Variants in MAP2K1 observed in about 807,000 individuals in gnomAD.
MAP2K1 encodes mitogen-activated protein kinase kinase 1.
In MAP2K1, 16 loss-of-function variants were observed where a neutral mutation model predicts 46.3. The observed-to-expected ratio is 0.35, with a 90% CI of 0.23 to 0.52. The LOEUF (loss-of-function observed/expected upper bound fraction) is 0.52. Ranked by LOEUF, MAP2K1 falls within the 20% of genes least tolerant of loss-of-function variation. The pLI is 0.94. For synonymous variants in MAP2K1, 183 were observed against 185.6 expected (o/e 0.99, Z 0.11); for missense variants, 263 against 497.1 (o/e 0.53, Z 4.48).
intron 5 of MAP2K1, among the ~76,000 whole-genome samples, chr15:66,468,220 C>T (rs929363446): frequency 6.6e-6 from 1 of 152,116 alleles, no homozygotes; most frequent in Admixed American, 6.5e-5. Context: ...AATACGTGGA[C>T]ATATTAGACA....
intron 1 of MAP2K1, among the ~76,000 whole-genome samples, chr15:66,422,560 T>C (rs1349739266): frequency 6.6e-6 from 1 of 152,048 alleles, no homozygotes; most frequent in Admixed American, 6.6e-5. Context: ...TAGGTGAAAA[T>C]GAATTATATT....
chr15:66,444,923 A>G, intron 5 of MAP2K1: 1 of 556,396 alleles, frequency 1.8e-6, no homozygotes, highest in Non-Finnish European at 3.2e-6. Context: ...TGTGATGGAC[A>G]ATAGTCATAG....
At position 66,437,876 on chromosome 15, in the gene MAP2K1, A is replaced by G. The variant is rs548007507; in HGVS notation, c.438+984A>G. On this transcript the variant is annotated intron_variant, in intron 3 of 10. Transcript: ENST00000307102. ...AAAGTGCTTGTTCCTTCTTTCCTCA[A>G]TGAGAGCAGAGCATTCTCTGTGGGA... 1.4e-3 allele frequency among the ~76,000 whole-genome samples: 212 copies of G among 152,224 alleles called. 1 individual carries two copies. Among genetic ancestry groups the G allele is most frequent in the Middle Eastern group, 3.4e-3 (1 of 294 alleles).
chr15:66,443,460 G>A, intron 4 of MAP2K1, 103 bp downstream of exon 4: 2 of 765,498 alleles, frequency 2.6e-6, no homozygotes, highest in Non-Finnish European at 4.7e-6. Context: ...TGAGGGGAAA[G>A]TTTATAAGAA....
intron 1 of MAP2K1, among the ~76,000 whole-genome samples, chr15:66,400,790 A>C (rs10851758): frequency 6.6e-6 from 1 of 152,120 alleles, no homozygotes; most frequent in South Asian, 2.1e-4. Flanking sequence ...ATTTCGCTGC[A>C]TAACTCCCAG....
chr15:66,476,024 G>A (rs569337669), intron 5 of MAP2K1, among the ~76,000 whole-genome samples: 2 of 152,202 alleles, frequency 1.3e-5, no homozygotes, highest in East Asian at 1.9e-4. Flanking sequence ...GTTATTCCTG[G>A]GACAGAAAAT....
chr15:66,449,754 G>T (rs762647581), intron 5 of MAP2K1, among the ~76,000 whole-genome samples: 1 of 152,062 alleles, frequency 6.6e-6, no homozygotes, highest in Non-Finnish European at 1.5e-5. Context: ...GGTGGTGGGC[G>T]CCTATAATCC....
At chr15:66,435,349 G>C in intron 2 of MAP2K1, 112 bp downstream of exon 2, 1 of 624,850 alleles carries the variant, frequency 1.6e-6, no homozygotes, top group Non-Finnish European at 2.5e-6. Flanking sequence ...TGTGCTGTTT[G>C]AATTTTTTTT....
At chr15:66,403,264 A>G (rs1173989786) in intron 1 of MAP2K1, among the ~76,000 whole-genome samples, 2 of 152,194 alleles carry the variant, frequency 1.3e-5, no homozygotes, top group Non-Finnish European at 1.5e-5. Context: ...TAACTATGCA[A>G]TATCCTTAAA....
intron 5 of MAP2K1, among the ~76,000 whole-genome samples, chr15:66,453,968 T>A (rs192659894): frequency 3.0e-3 from 461 of 152,312 alleles, no homozygotes; most frequent in African/African-American, 0.011. Context: ...TTGGGTTGAT[T>A]ATTTCAATTA....
intron 1 of MAP2K1, among the ~76,000 whole-genome samples, chr15:66,430,172 G>A (rs1228680321): frequency 6.6e-6 from 1 of 152,114 alleles, no homozygotes; most frequent in African/African-American, 2.4e-5. Context: ...CTTACCTTGG[G>A]TCTGTCTCTT....
intron 1 of MAP2K1, among the ~76,000 whole-genome samples, chr15:66,408,499 C>T (rs751678481): frequency 8.5e-5 from 13 of 152,198 alleles, no homozygotes; most frequent in South Asian, 2.1e-4. Flanking sequence ...CTTTCTTCTC[C>T]CAAGAGTTTA....
chr15:66,425,001 C>T (rs778825146), intron 1 of MAP2K1, among the ~76,000 whole-genome samples: 4 of 151,654 alleles, frequency 2.6e-5, no homozygotes, highest in South Asian at 2.1e-4. Flanking sequence ...TCTCCATGTT[C>T]GTCAGGCTGT....
chr15:66,444,426 A>C lies in MAP2K1; in HGVS notation c.517-230A>C, dbSNP rs141721809. On this transcript the variant is annotated intron_variant, in intron 4 of 10. Coordinates refer to ENST00000307102, the MANE Select transcript of MAP2K1 (RefSeq NM_002755.4). ...CGCATGCCCGTAATCCCAGCTACTCAGGGGGCTGAGGCAGGAGAATCACTT... is the reference window on the plus strand; with the variant it reads ...CGCATGCCCGTAATCCCAGCTACTCCGGGGGCTGAGGCAGGAGAATCACTT... Among the ~76,000 whole-genome samples, 1,499 of 144,026 alleles carry C rather than the reference A, an allele frequency of 0.01. 54 individuals are homozygous for C. The highest frequency in any genetic ancestry group is 0.066 in the East Asian group (313 of 4,766). 94.5% of individuals were successfully genotyped at this position (144,026 alleles called of 152,430 possible). A position where few individuals can be genotyped will look rare whatever the true frequency, so the allele number is the denominator to read the frequency against.
chr15:66,468,052 C>T (rs1892509919), intron 5 of MAP2K1, among the ~76,000 whole-genome samples: 1 of 152,196 alleles, frequency 6.6e-6, no homozygotes, highest in Non-Finnish European at 1.5e-5. Flanking sequence ...TTAAAGGTAG[C>T]TTATCTATCA....
intron 1 of MAP2K1, among the ~76,000 whole-genome samples, chr15:66,419,402 C>A (rs1022590693): frequency 6.6e-6 from 1 of 151,810 alleles, no homozygotes; most frequent in Non-Finnish European, 1.5e-5. Context: ...TGCCTGTAAT[C>A]CCAGCTACTG....
At chr15:66,430,779 C>T (rs1359858607) in intron 1 of MAP2K1, among the ~76,000 whole-genome samples, 1 of 152,160 alleles carries the variant, frequency 6.6e-6, no homozygotes, top group Non-Finnish European at 1.5e-5. Flanking sequence ...GTTCCAGTTG[C>T]AACAGTGTAA....
At chr15:66,462,749 G>T (rs548329482) in intron 5 of MAP2K1, among the ~76,000 whole-genome samples, 1 of 152,238 alleles carries the variant, frequency 6.6e-6, no homozygotes, top group East Asian at 1.9e-4. Flanking sequence ...GCTGGGAGCT[G>T]GGCTTTGTTT....
chr15:66,420,815 GTGTATATATATA>G (rs2093438281), intron 1 of MAP2K1, among the ~76,000 whole-genome samples: 9 of 61,908 alleles, frequency 1.5e-4, no homozygotes, highest in Admixed American at 3.3e-4. Flanking sequence ...GTATATATAT[GTGTATATATATA>G]TGTGTATATA....
Sources: allele counts gnomAD v4.1 joint callset (sites outside exome capture counted in the v4.1 genomes callset), GRCh38; gene constraint gnomAD v4.1.1; transcripts MANE v1.5; gene names NCBI Gene and HGNC (gene_info 2026-07-23, HGNC 2026-07-21).